Variants in FREM1 observed in about 807,000 individuals in gnomAD.
FREM1 encodes FRAS1 related extracellular matrix 1.
A neutral mutation model predicts 210.1 loss-of-function variants in FREM1; 220 were observed. The observed-to-expected ratio is 1.05, with a 90% CI of 0.94 to 1.17. FREM1 has a LOEUF of 1.17. FREM1 is among the 50% of genes most tolerant of loss of function. FREM1 has a pLI of 0.00. For missense variants in FREM1, 3,454 were observed against 2,675.5 expected (o/e 1.29, Z -6.42); for synonymous variants, 1,189 against 980.2 (o/e 1.21, Z -3.98).
intron 13 of FREM1, among the ~76,000 whole-genome samples, chr9:14,822,698 A>G (rs528786092): frequency 6.6e-6 from 1 of 152,304 alleles, no homozygotes; most frequent in East Asian, 1.9e-4. Context: ...TCAGGCTTAC[A>G]CAAACACAGG....
chr9:14,794,267 C>T (rs144507728), intron 21 of FREM1, among the ~76,000 whole-genome samples: 117 of 152,072 alleles, frequency 7.7e-4, no homozygotes, highest in African/African-American at 2.8e-3. Context: ...GGGTGTTTTA[C>T]TGCTATGGGG....
At chr9:14,758,334 G>A (rs1358158747) in intron 28 of FREM1, among the ~76,000 whole-genome samples, 7 of 152,196 alleles carry the variant, frequency 4.6e-5, no homozygotes, top group African/African-American at 1.4e-4. Context: ...GGTGAATGGT[G>A]GCGTGGCCCA....
chr9:14,825,714 T>A (rs927661137), intron 10 of FREM1, among the ~76,000 whole-genome samples: 1 of 151,808 alleles, frequency 6.6e-6, no homozygotes, highest in African/African-American at 2.4e-5. Context: ...GTCATCAATC[T>A]TAGAAACCTT....
At chr9:14,873,046 T>C (rs1219845685) in intron 1 of FREM1, among the ~76,000 whole-genome samples, 2 of 152,140 alleles carry the variant, frequency 1.3e-5, no homozygotes, top group African/African-American at 4.8e-5. Flanking sequence ...ATAAGCTTTT[T>C]GATGTGCTGC....
chr9:14,849,540 T>C (rs1827287046), intron 6 of FREM1, among the ~76,000 whole-genome samples: 1 of 152,186 alleles, frequency 6.6e-6, no homozygotes, highest in Non-Finnish European at 1.5e-5. Context: ...TTGAAGAACA[T>C]GTGGTCCATG....
chr9:14,801,847 C>G lies in FREM1; in HGVS notation c.3499G>C (p.Asp1167His). The change falls in exon 20 of 37, where the codon GAC becomes CAC. Residue 1167 changes from aspartate to histidine, a missense_variant. Transcript: ENST00000380880. ...TVCEGQMKEL[D>H]SSIISAVDLD... Reference sequence around the variant, plus strand: ...TCCACAGCGCTGATGATGGAAGAGTCCAGCTCTTTCATCTGACCCTCACAC... The same window carrying G: ...TCCACAGCGCTGATGATGGAAGAGTGCAGCTCTTTCATCTGACCCTCACAC... The G allele has an allele frequency of 6.2e-7, 1 of 1,613,350 alleles. No homozygotes were observed. The highest frequency in any genetic ancestry group is 8.5e-7 in the Non-Finnish European group (1 of 1,179,580).
At chr9:14,879,756 TA>T (rs1425262466) in intron 1 of FREM1, among the ~76,000 whole-genome samples, 1 of 152,182 alleles carries the variant, frequency 6.6e-6, no homozygotes, top group East Asian at 1.9e-4. Context: ...AAAGCAACTC[TA>T]AAGGCTGCAT....
At chr9:14,746,647 T>G (rs1482358978) in intron 34 of FREM1, among the ~76,000 whole-genome samples, 179 bp from the exon 35 acceptor site, 2 of 152,228 alleles carry the variant, frequency 1.3e-5, no homozygotes, top group Non-Finnish European at 2.9e-5. Flanking sequence ...CAGAAAACAC[T>G]ACCACAGTCA....
chr9:14,739,424 A>C (rs1400445506), intron 36 of FREM1, among the ~76,000 whole-genome samples: 5 of 145,558 alleles, frequency 3.4e-5, no homozygotes, highest in Non-Finnish European at 4.5e-5. Flanking sequence ...TCTTGACTGG[A>C]GGTAAGTCAT....
intron 27 of FREM1, among the ~76,000 whole-genome samples, chr9:14,765,940 A>G (rs977315054): frequency 3.3e-5 from 5 of 152,360 alleles, no homozygotes; most frequent in African/African-American, 1.2e-4. Context: ...TGTGGTCCAC[A>G]AAAGTGCTTT....
intron 28 of FREM1, among the ~76,000 whole-genome samples, chr9:14,758,229 G>T (rs1409835332): frequency 6.6e-6 from 1 of 152,128 alleles, no homozygotes; most frequent in African/African-American, 2.4e-5. Context: ...CTTGATGAAG[G>T]CCTGCACACT....
chr9:14,815,774 A>T (rs1480591002), intron 15 of FREM1, among the ~76,000 whole-genome samples: 2 of 152,076 alleles, frequency 1.3e-5, no homozygotes, highest in Admixed American at 6.6e-5. Flanking sequence ...CAGCCTCCCA[A>T]GTAGCTGGGA....
chr9:14,748,656 T>C lies in FREM1; in HGVS notation c.5558-17A>G, dbSNP rs775077064. The C allele has an allele frequency of 1.3e-6, 2 of 1,534,842 alleles. No homozygotes were observed. Among genetic ancestry groups the C allele is most frequent in the Non-Finnish European group, 1.8e-6 (2 of 1,114,056 alleles). On this transcript the variant is annotated splice_polypyrimidine_tract_variant and intron_variant, in intron 30 of 36. Coordinates refer to ENST00000380880, the MANE Select transcript of FREM1 (RefSeq NM_001379081.2). The stretch of plus-strand genomic sequence containing the variant: ...GGCATTGTCCTGGAGGCATGCAAGA[T>C]GGCAGGCGGTCAGTTCATTTTACAC...
chr9:14,825,102 T>C lies in FREM1; in HGVS notation c.1882-110A>G. 5 of 700,630 alleles carry C rather than the reference T, an allele frequency of 7.1e-6. No individual in the cohort carries two copies. In the South Asian group the frequency reaches 1.1e-4, roughly 16 times the overall value. 43.4% of individuals were successfully genotyped at this position (700,630 alleles called of 1,614,324 possible). ...AGATAATTTCTAAAACTGTCATTTATAATATACTTCTGTCAAATGATTCAG... is the reference window on the plus strand; with the variant it reads ...AGATAATTTCTAAAACTGTCATTTACAATATACTTCTGTCAAATGATTCAG... On this transcript the variant is annotated intron_variant, in intron 10 of 36. Transcript: ENST00000380880.
In FREM1 at chr9:14,842,655, T is replaced by A. The variant is rs777741166; in HGVS notation, c.1399A>T (p.Lys467Ter). The change falls in exon 9 of 37, where the codon AAA becomes TAA. Residue 467 changes from lysine (K) to a stop codon, truncating the protein, a stop_gained. Coordinates refer to ENST00000380880, the MANE Select transcript of FREM1 (RefSeq NM_001379081.2). LOFTEE classifies it high-confidence loss of function. The stretch of plus-strand genomic sequence containing the variant: ...TCAGCCACGGTGAAGAGAAACCCTT[T>A]CCCCCCTGAGGGAGAGAGCAGAGAT... The part of the protein sequence containing the change: ...QHGWLTLRGG[K>*]GFLFTVADLQ... 6.2e-7 allele frequency: 1 copy of A among 1,611,816 alleles called. No individual in the cohort carries two copies. The highest frequency in any genetic ancestry group is 8.5e-7 in the Non-Finnish European group (1 of 1,178,814).
rs756523712 is a variant in FREM1 at position 14,859,271 on chromosome 9, C to G, written c.543G>C (p.Arg181=). 2 of 1,613,724 alleles carry G rather than the reference C, an allele frequency of 1.2e-6. No homozygotes were observed. The highest frequency in any genetic ancestry group is 1.7e-6 in the Non-Finnish European group (2 of 1,179,738). ...CTVSLDTART[R]LPAHGQMVLG... ...GAACCATCTGGCCATGGGCTGGCAG[C>G]CGAGTTCTCGCAGTGTCCAGGCTGA... Residue 181 remains arginine (R), a synonymous_variant, in exon 4 of 37, where the codon CGG becomes CGC. Coordinates refer to ENST00000380880, the MANE Select transcript of FREM1 (RefSeq NM_001379081.2).
intron 1 of FREM1, among the ~76,000 whole-genome samples, chr9:14,869,927 C>T (rs1832279264): frequency 6.6e-6 from 1 of 152,210 alleles, no homozygotes; most frequent in Non-Finnish European, 1.5e-5. Context: ...TTTATACTAT[C>T]TACAATGCTA....
At position 14,801,696 on chromosome 9, in the gene FREM1, T is replaced by C; in HGVS notation, c.3650A>G (p.Lys1217Arg). Reference sequence around the variant, plus strand: ...GGAAAAGCTGTGAACAGGTGCATGTTTCTGGTGAGGGTTGGCTGGCTGCTT... The same window carrying C: ...GGAAAAGCTGTGAACAGGTGCATGTCTCTGGTGAGGGTTGGCTGGCTGCTT... ...ENKQPANPHQKHAPVHSFSME... is the reference protein window; with the variant it reads ...ENKQPANPHQRHAPVHSFSME... Residue 1217 changes from lysine (K) to arginine (R), a missense_variant, in exon 20 of 37, where the codon AAA (lysine) becomes AGA (arginine). Transcript: ENST00000380880. 2.5e-6 allele frequency: 4 copies of C among 1,614,002 alleles called. No individual in the cohort carries two copies. The highest frequency in any genetic ancestry group is 3.4e-6 in the Non-Finnish European group (4 of 1,179,856).
intron 1 of FREM1, among the ~76,000 whole-genome samples, chr9:14,901,454 C>G (rs970146030): frequency 3.9e-5 from 6 of 152,098 alleles, no homozygotes; most frequent in Admixed American, 3.9e-4. Flanking sequence ...CAATCTTGTT[C>G]GTTTCAGCCC....
Sources: allele counts gnomAD v4.1 joint callset (sites outside exome capture counted in the v4.1 genomes callset), GRCh38; gene constraint gnomAD v4.1.1; transcripts MANE v1.5; gene names NCBI Gene and HGNC (gene_info 2026-07-23, HGNC 2026-07-21).